RGS20: variants seen among roughly 807,000 people sequenced by gnomAD.
RGS20 encodes the protein gz-selective GTPase-activating protein.
In RGS20, 30 loss-of-function variants were observed where a neutral mutation model predicts 33.6. That is an observed-to-expected ratio of 0.89 (90% confidence interval 0.67 to 1.21). RGS20 has a LOEUF of 1.21. Among genes scored for constraint, RGS20 ranks in the 50% most tolerant of loss-of-function variants. The probability of loss-of-function intolerance (pLI) is 0.00; values close to 1 mark genes in which losing one functional copy is unlikely to be tolerated. For synonymous variants in RGS20, 208 were observed against 197.9 expected (o/e 1.05, Z -0.43); for missense variants, 472 against 502.4 (o/e 0.94, Z 0.58).
chr8:53,951,273 C>T (rs976786312), intron 4 of RGS20, among the ~76,000 whole-genome samples: 7 of 151,868 alleles, frequency 4.6e-5, no homozygotes, highest in African/African-American at 1.7e-4. Flanking sequence ...AAGCTTGAGT[C>T]CAGGAGTTTG....
At chr8:53,955,511 T>C (rs1362068658) in intron 5 of RGS20, among the ~76,000 whole-genome samples, 1 of 152,094 alleles carries the variant, frequency 6.6e-6, no homozygotes, top group Admixed American at 6.5e-5. Flanking sequence ...CACCTGTCAG[T>C]GTTTCAGTTT....
At chr8:53,936,792 TC>T (rs1387694525) in intron 2 of RGS20, among the ~76,000 whole-genome samples, 1 of 151,972 alleles carries the variant, frequency 6.6e-6, no homozygotes, top group Non-Finnish European at 1.5e-5. Flanking sequence ...GCCAAGACAA[TC>T]CCAAGCAAAA....
chr8:53,911,702 G>A (rs1813351584), intron 2 of RGS20, among the ~76,000 whole-genome samples: 1 of 152,184 alleles, frequency 6.6e-6, no homozygotes, highest in Non-Finnish European at 1.5e-5. Flanking sequence ...GGGAGCCTGA[G>A]GTGGGTGGAT....
Position 53,958,964 on chromosome 8 carries a change from G to A in RGS20, c.*506G>A, listed in dbSNP as rs1489095666. On this transcript the variant is annotated 3_prime_UTR_variant, in exon 6 of 6. Transcript: ENST00000297313. ...TTCATAAAAGATGTGACCACTACAT[G>A]TAAAAATAGCATTCTACTTGATCTT... is the stretch of plus-strand genomic sequence containing the variant. 6.6e-6 allele frequency: 1 copy of A among 152,288 alleles called. No homozygotes were observed. Among genetic ancestry groups the A allele is most frequent in the African/African-American group, 2.4e-5 (1 of 41,450 alleles). 9.4% of individuals were successfully genotyped at this position (152,288 alleles called of 1,614,324 possible).
chr8:53,883,526 G>C (rs1481778954), intron 2 of RGS20, among the ~76,000 whole-genome samples: 1 of 152,180 alleles, frequency 6.6e-6, no homozygotes, highest in Admixed American at 6.5e-5. Context: ...TGCCAAACCA[G>C]TGGGAGTCTT....
chr8:53,943,524 G>T (rs1298054014), intron 3 of RGS20, among the ~76,000 whole-genome samples: 1 of 151,968 alleles, frequency 6.6e-6, no homozygotes, highest in East Asian at 1.9e-4. Flanking sequence ...AAAACACAGC[G>T]AGCAACTATC....
At chr8:53,957,064 T>C (rs970285780) in intron 5 of RGS20, among the ~76,000 whole-genome samples, 6 of 152,178 alleles carry the variant, frequency 3.9e-5, no homozygotes, top group Admixed American at 3.3e-4. Flanking sequence ...GGGGAAGAGC[T>C]CACTAGGACA....
chr8:53,880,898 G>T, intron 2 of RGS20: 1 of 1,505,500 alleles, frequency 6.6e-7, no homozygotes. Context: ...GAGGCCGGGA[G>T]AAGAGGGCTA....
intron 1 of RGS20, among the ~76,000 whole-genome samples, chr8:53,874,401 T>TGTGTGC (rs1403614307): frequency 9.2e-4 from 115 of 124,952 alleles, no homozygotes; most frequent in African/African-American, 3.8e-3. Context: ...TGTGTGTGTG[T>TGTGTGC]GCGCGCGCGT....
chr8:53,933,491 A>C (rs1353171305), intron 2 of RGS20, among the ~76,000 whole-genome samples: 1 of 152,210 alleles, frequency 6.6e-6, no homozygotes, highest in Non-Finnish European at 1.5e-5. Context: ...GAATTGATCA[A>C]GTGGAAGAAA....
intron 2 of RGS20, among the ~76,000 whole-genome samples, chr8:53,895,749 G>A (rs549732699): frequency 6.6e-4 from 100 of 151,424 alleles, no homozygotes; most frequent in Non-Finnish European, 1.1e-3. Flanking sequence ...GGTTCAAGCA[G>A]TTCTCTTGCC....
chr8:53,917,368 G>A (rs1398765496), intron 2 of RGS20, among the ~76,000 whole-genome samples: 1 of 151,858 alleles, frequency 6.6e-6, no homozygotes, highest in Non-Finnish European at 1.5e-5. Flanking sequence ...AGGCTGGTCT[G>A]GAACTCCTGA....
intron 3 of RGS20, 129 bp from the exon 3 acceptor site, chr8:53,946,534 ATT>A (rs746977593): frequency 2.5e-6 from 2 of 814,130 alleles, no homozygotes; most frequent in East Asian, 5.1e-5. Flanking sequence ...AACTGGGGTC[ATT>A]TTTTTTTCCA....
chr8:53,861,448 T>C (rs1410916948), intron 1 of RGS20, among the ~76,000 whole-genome samples: 1 of 152,202 alleles, frequency 6.6e-6, no homozygotes, highest in African/African-American at 2.4e-5. Context: ...TGAAGTTACA[T>C]AAAAATAGTT....
intron 2 of RGS20, among the ~76,000 whole-genome samples, chr8:53,905,189 TC>T (rs1813131774): frequency 6.6e-6 from 1 of 152,202 alleles, no homozygotes; most frequent in African/African-American, 2.4e-5. Flanking sequence ...CCAGTTGACT[TC>T]CCCTACTAGA....
intron 2 of RGS20, among the ~76,000 whole-genome samples, chr8:53,919,568 G>A (rs1390326770): frequency 1.3e-5 from 2 of 150,016 alleles, no homozygotes; most frequent in Admixed American, 1.3e-4. Flanking sequence ...CTGGTCTGGT[G>A]TCGTTTGAAG....
chr8:53,883,663 A>C (rs191532460), intron 2 of RGS20, among the ~76,000 whole-genome samples: 218 of 152,226 alleles, frequency 1.4e-3, no homozygotes, highest in African/African-American at 5.0e-3. Flanking sequence ...TCGGCAGCTC[A>C]GCAGAGCACG....
At chr8:53,891,432 A>T (rs1812706347) in intron 2 of RGS20, among the ~76,000 whole-genome samples, 2 of 152,150 alleles carry the variant, frequency 1.3e-5, no homozygotes, top group Admixed American at 1.3e-4. Context: ...CAGCCTGGCC[A>T]ACATAGCAAA....
intron 1 of RGS20, among the ~76,000 whole-genome samples, chr8:53,874,128 C>T (rs981683220): frequency 4.6e-5 from 7 of 151,870 alleles, no homozygotes; most frequent in South Asian, 2.1e-4. Flanking sequence ...TGAAGCCAGG[C>T]GGTAGAGGCT....
Sources: gnomAD v4.1 joint callset for allele counts (sites outside exome capture counted in the v4.1 genomes callset) on GRCh38, gnomAD v4.1.1 for gene constraint, MANE v1.5 for transcripts, NCBI Gene and HGNC (gene_info 2026-07-23, HGNC 2026-07-21) for gene names.